The following PRICKLE2 variants were observed in gnomAD, a reference collection of about 807,000 sequenced individuals.
PRICKLE2 encodes prickle-like protein 2.
PRICKLE2 carries 21 observed loss-of-function variants against 81.4 expected under a neutral mutation model. That is an observed-to-expected ratio of 0.26 (90% CI 0.18 to 0.37). PRICKLE2 has a LOEUF of 0.37. Among genes scored for constraint, PRICKLE2 ranks in the 10% least tolerant of loss-of-function variants. PRICKLE2 has a pLI of 1.00. For synonymous variants in PRICKLE2, 456 were observed against 421.5 expected (o/e 1.08, Z -1.00); for missense variants, 940 against 1,109.0 (o/e 0.85, Z 2.16).
intron 1 of PRICKLE2, among the ~76,000 whole-genome samples, chr3:64,219,462 A>T (rs2078919229): frequency 1.3e-5 from 2 of 152,204 alleles, no homozygotes; most frequent in Non-Finnish European, 2.9e-5. Flanking sequence ...TGTTCCCTGT[A>T]GTCCAGCAAA....
intron 7 of PRICKLE2, among the ~76,000 whole-genome samples, chr3:64,127,241 A>T (rs1208315609): frequency 1.3e-5 from 2 of 152,220 alleles, no homozygotes; most frequent in African/African-American, 2.4e-5. Context: ...ACCCAATAAG[A>T]TAATGTGCAA....
At chr3:64,240,659 G>A (rs1338660115) in intron 2 of PRICKLE2, among the ~76,000 whole-genome samples, 1 of 152,178 alleles carries the variant, frequency 6.6e-6, no homozygotes, top group African/African-American at 2.4e-5. Flanking sequence ...AGCATGGAAT[G>A]TCTGAGCCAG....
intron 2 of PRICKLE2, among the ~76,000 whole-genome samples, chr3:64,253,329 A>G (rs2079477120): frequency 6.6e-6 from 1 of 152,176 alleles, no homozygotes; most frequent in East Asian, 1.9e-4. Context: ...CTGAAACTGG[A>G]ACTGATGTTT....
chr3:64,232,869 C>G (rs1201502757), intron 2 of PRICKLE2, among the ~76,000 whole-genome samples: 2 of 152,192 alleles, frequency 1.3e-5, no homozygotes, highest in African/African-American at 2.4e-5. Flanking sequence ...TACCTTTGAG[C>G]CATCCTTCAC....
intron 2 of PRICKLE2, among the ~76,000 whole-genome samples, chr3:64,254,230 T>A (rs2079492614): frequency 6.6e-6 from 1 of 152,202 alleles, no homozygotes; most frequent in African/African-American, 2.4e-5. Context: ...TACTTTCACC[T>A]CCTATTTTAT....
chr3:64,221,420 TACACACACACACACACACACAC>T (rs71808412), intron 1 of PRICKLE2, among the ~76,000 whole-genome samples: 1 of 143,830 alleles, frequency 7.0e-6, no homozygotes, highest in Non-Finnish European at 1.5e-5. Context: ...GCTTGATTCA[TACACACACACACACACACACAC>T]ACACACACAC....
chr3:64,186,211 CTA>C (rs746437455), intron 2 of PRICKLE2, among the ~76,000 whole-genome samples: 1 of 152,114 alleles, frequency 6.6e-6, no homozygotes, highest in East Asian at 1.9e-4. Flanking sequence ...CAATTTTTGA[CTA>C]TGGAAAAGAA....
intron 2 of PRICKLE2, among the ~76,000 whole-genome samples, chr3:64,193,474 T>C (rs191899240): frequency 6.6e-6 from 1 of 152,328 alleles, no homozygotes; most frequent in Admixed American, 6.5e-5. Flanking sequence ...TTACAAAGGA[T>C]AATCCAGATC....
chr3:64,106,783 C>T (rs1369143929), intron 7 of PRICKLE2, among the ~76,000 whole-genome samples: 3 of 151,380 alleles, frequency 2.0e-5, no homozygotes, highest in Non-Finnish European at 4.4e-5. Flanking sequence ...TGTGTGCGTG[C>T]TCAAGCACAT....
chr3:64,098,811 G>A lies in PRICKLE2; in HGVS notation c.*240C>T. ...GAACTGATGGGAAGGAAGTGACCAA[G>A]CCTGGCCTCGATAGAGTCTACTGTG... On this transcript the variant is annotated 3_prime_UTR_variant, in exon 8 of 8. Transcript: ENST00000638394. 1 of 546,016 alleles carries A rather than the reference G, an allele frequency of 1.8e-6. No homozygotes were observed. The highest frequency in any genetic ancestry group is 3.3e-6 in the Non-Finnish European group (1 of 303,710). 33.8% of individuals were successfully genotyped at this position (546,016 alleles called of 1,614,324 possible).
intron 1 of PRICKLE2, among the ~76,000 whole-genome samples, chr3:64,209,144 T>G (rs114830942): frequency 0.012 from 1,881 of 151,402 alleles, 37 homozygotes; most frequent in African/African-American, 0.04. Context: ...TACATACACA[T>G]CTATCCACCT....
chr3:64,200,388 C>T (rs937355559), intron 1 of PRICKLE2: 2 of 152,174 alleles, frequency 1.3e-5, no homozygotes, highest in African/African-American at 4.8e-5. Context: ...GGACTATTTT[C>T]ACCTATGGCT....
chr3:64,146,130 G>A (rs2077445691), intron 7 of PRICKLE2: 1 of 152,356 alleles, frequency 6.6e-6, no homozygotes, highest in Admixed American at 6.5e-5. Context: ...CTAACACGAT[G>A]GTACAAAACA....
intron 4 of PRICKLE2, among the ~76,000 whole-genome samples, chr3:64,158,312 A>G (rs1046019493): frequency 2.0e-5 from 3 of 152,148 alleles, no homozygotes; most frequent in Non-Finnish European, 4.4e-5. Flanking sequence ...TGAAGTAAAG[A>G]CCTCACAAAC....
At chr3:64,159,726 C>T (rs1249994899) in intron 4 of PRICKLE2, among the ~76,000 whole-genome samples, 1 of 152,202 alleles carries the variant, frequency 6.6e-6, no homozygotes, top group African/African-American at 2.4e-5. Flanking sequence ...TCCTTCCTTG[C>T]TGTATCTTTT....
intron 2 of PRICKLE2, among the ~76,000 whole-genome samples, chr3:64,250,560 A>G (rs1221005912): frequency 6.6e-6 from 1 of 152,222 alleles, no homozygotes; most frequent in Non-Finnish European, 1.5e-5. Context: ...GGCAGGGCCA[A>G]TCAGTAGGTG....
intron 7 of PRICKLE2, among the ~76,000 whole-genome samples, chr3:64,116,818 A>G (rs2076941816): frequency 6.6e-6 from 1 of 152,208 alleles, no homozygotes; most frequent in Non-Finnish European, 1.5e-5. Flanking sequence ...AACACTGAGG[A>G]GGAGTGACTC....
intron 1 of PRICKLE2, 82 bp from the exon 2 acceptor site, chr3:64,199,049 G>T: frequency 7.7e-7 from 1 of 1,301,352 alleles, no homozygotes; most frequent in Non-Finnish European, 1.1e-6. Context: ...CTAGCCCCTG[G>T]ATCCCAAACC....
At chr3:64,122,685 GC>G (rs1486877607) in intron 7 of PRICKLE2, among the ~76,000 whole-genome samples, 1 of 152,152 alleles carries the variant, frequency 6.6e-6, no homozygotes, top group Non-Finnish European at 1.5e-5. Context: ...ACCTGCCAAA[GC>G]CCCGGGCCAC....
Sources: allele counts gnomAD v4.1 joint callset (sites outside exome capture counted in the v4.1 genomes callset), GRCh38; gene constraint gnomAD v4.1.1; transcripts MANE v1.5; gene names NCBI Gene and HGNC (gene_info 2026-07-23, HGNC 2026-07-21).